The following CHST9 variants were observed in gnomAD, a reference collection of about 807,000 sequenced individuals.
CHST9 encodes the protein GalNAc-4-sulfotransferase 2.
A neutral mutation model predicts 44.4 loss-of-function variants in CHST9; 41 were observed. That is an observed-to-expected ratio of 0.92 (90% CI 0.72 to 1.20). The LOEUF (loss-of-function observed/expected upper bound fraction) is 1.20. Among genes scored for constraint, CHST9 ranks in the 50% most tolerant of loss-of-function variants. The pLI is 0.00. For synonymous variants in CHST9, 171 were observed against 178.4 expected, an observed-to-expected ratio of 0.96 and a Z score of 0.33; for missense variants, 504 against 516.5, an observed-to-expected ratio of 0.98 and a Z score of 0.23.
At chr18:27,150,414 T>A (rs771124676) in intron 1 of CHST9, among the ~76,000 whole-genome samples, 1 of 152,224 alleles carries the variant, frequency 6.6e-6, no homozygotes, top group Admixed American at 6.5e-5. Flanking sequence ...ACCTTCTTTC[T>A]CACTGGGGCA....
chr18:26,925,018 T>A (rs1364483537), intron 5 of CHST9, among the ~76,000 whole-genome samples: 3 of 152,004 alleles, frequency 2.0e-5, no homozygotes, highest in Admixed American at 6.6e-5. Context: ...ACTTGGTCCC[T>A]GATCTTACGG....
intron 4 of CHST9, among the ~76,000 whole-genome samples, chr18:27,002,383 G>C (rs2086649698): frequency 6.6e-6 from 1 of 152,142 alleles, no homozygotes; most frequent in Non-Finnish European, 1.5e-5. Flanking sequence ...ATGCAATATA[G>C]AAATGCAATA....
At chr18:27,120,993 G>T (rs962629536) in intron 2 of CHST9, among the ~76,000 whole-genome samples, 5 of 151,952 alleles carry the variant, frequency 3.3e-5, no homozygotes, top group Non-Finnish European at 5.9e-5. Context: ...CAGTTTTTTT[G>T]TTGTTTTTGT....
chr18:27,178,130 T>A (rs186365571), intron 1 of CHST9, among the ~76,000 whole-genome samples: 2 of 151,954 alleles, frequency 1.3e-5, no homozygotes, highest in Non-Finnish European at 2.9e-5. Flanking sequence ...GAATGAACAA[T>A]ACACAGAAAA....
At chr18:27,044,979 T>C (rs1341204419) in intron 3 of CHST9, among the ~76,000 whole-genome samples, 2 of 151,334 alleles carry the variant, frequency 1.3e-5, no homozygotes, top group African/African-American at 4.9e-5. Flanking sequence ...CGCAAGGGAC[T>C]GAGTTTGCAA....
intron 4 of CHST9, among the ~76,000 whole-genome samples, chr18:26,972,462 G>A (rs1225327732): frequency 6.6e-6 from 1 of 151,374 alleles, no homozygotes; most frequent in East Asian, 1.9e-4. Flanking sequence ...CTGGGAGAAA[G>A]GGTTCTAGAC....
intron 2 of CHST9, among the ~76,000 whole-genome samples, chr18:27,122,467 A>C (rs866438807): frequency 6.6e-6 from 1 of 152,256 alleles, no homozygotes. Context: ...AGCCTTGTAC[A>C]TGTAGAACAA....
Position 26,917,006 on chromosome 18 carries a change from A to G in CHST9, c.585T>C (p.His195=), listed in dbSNP as rs760531540. The change falls in exon 6 of 6, where the codon CAT becomes CAC. Residue 195 remains histidine, a synonymous_variant. Coordinates refer to ENST00000618847, the MANE Select transcript of CHST9 (RefSeq NM_031422.6). ...FCKKYGGVSH[H]QSHLFHTVSR... is the part of the protein sequence containing the mutation. Reference sequence around the variant, plus strand: ...ATACTGTATGAAAAAGATGTGACTGATGATGACTCACCCCACCGTATTTCT... The same window carrying G: ...ATACTGTATGAAAAAGATGTGACTGGTGATGACTCACCCCACCGTATTTCT... 6.8e-6 allele frequency: 11 copies of G among 1,613,802 alleles called. No individual in the cohort carries two copies. In the East Asian group the frequency reaches 2.5e-4, roughly 36 times the overall value.
At chr18:27,036,349 C>T (rs2057390459) in intron 3 of CHST9, among the ~76,000 whole-genome samples, 1 of 152,174 alleles carries the variant, frequency 6.6e-6, no homozygotes, top group Non-Finnish European at 1.5e-5. Flanking sequence ...ATATCTCTTG[C>T]TTGTCTAAAC....
chr18:26,958,132 T>C (rs1190757628), intron 4 of CHST9, among the ~76,000 whole-genome samples: 2 of 151,172 alleles, frequency 1.3e-5, no homozygotes, highest in African/African-American at 4.8e-5. Flanking sequence ...GTGATCCACC[T>C]ACCTTGGCCT....
intron 2 of CHST9, among the ~76,000 whole-genome samples, chr18:27,119,042 A>G (rs536699175): frequency 1.3e-5 from 2 of 152,118 alleles, no homozygotes; most frequent in Admixed American, 6.5e-5. Context: ...ACCAAAACCT[A>G]TGTTTTTCAG....
At chr18:26,959,630 GCACAT>G (rs1310213801) in intron 4 of CHST9, among the ~76,000 whole-genome samples, 1 of 152,178 alleles carries the variant, frequency 6.6e-6, no homozygotes, top group African/African-American at 2.4e-5. Flanking sequence ...ATGAGCAAAA[GCACAT>G]CAGGGAATGT....
intron 4 of CHST9, among the ~76,000 whole-genome samples, chr18:27,015,572 C>T (rs1361897595): frequency 6.6e-6 from 1 of 152,042 alleles, no homozygotes; most frequent in African/African-American, 2.4e-5. Context: ...TGGAGGGATA[C>T]GTGCTAGCAT....
intron 2 of CHST9, among the ~76,000 whole-genome samples, chr18:27,134,804 G>A (rs775115083): frequency 6.6e-6 from 1 of 152,060 alleles, no homozygotes; most frequent in Non-Finnish European, 1.5e-5. Context: ...TTCAGACATT[G>A]TACTTATTTG....
At chr18:27,093,805 G>A (rs988281981) in intron 2 of CHST9, among the ~76,000 whole-genome samples, 6 of 151,930 alleles carry the variant, frequency 3.9e-5, no homozygotes, top group Non-Finnish European at 7.4e-5. Flanking sequence ...TGGAAATGCA[G>A]AAATCACCCA....
At chr18:27,036,414 T>C (rs538213690) in intron 3 of CHST9, among the ~76,000 whole-genome samples, 90 of 152,330 alleles carry the variant, frequency 5.9e-4, no homozygotes, top group African/African-American at 2.1e-3. Flanking sequence ...GGGAATACAA[T>C]GTAACCTAGA....
intron 5 of CHST9, among the ~76,000 whole-genome samples, chr18:26,941,870 G>C (rs2056087352): frequency 6.6e-6 from 1 of 152,208 alleles, no homozygotes; most frequent in Non-Finnish European, 1.5e-5. Flanking sequence ...TGGGCTAAAA[G>C]CACAGGCTGG....
At chr18:27,000,055 C>T (rs2056930697) in intron 4 of CHST9, among the ~76,000 whole-genome samples, 1 of 152,208 alleles carries the variant, frequency 6.6e-6, no homozygotes, top group Non-Finnish European at 1.5e-5. Context: ...AACTCAGTAA[C>T]ATGCTTGTAA....
At chr18:27,055,542 G>A (rs1217446924) in intron 2 of CHST9, among the ~76,000 whole-genome samples, 1 of 152,078 alleles carries the variant, frequency 6.6e-6, no homozygotes, top group East Asian at 1.9e-4. Flanking sequence ...CTAAAACCCA[G>A]GTCACCACTA....
Sources: gnomAD v4.1 joint callset for allele counts (sites outside exome capture counted in the v4.1 genomes callset) on GRCh38, gnomAD v4.1.1 for gene constraint, MANE v1.5 for transcripts, NCBI Gene and HGNC (gene_info 2026-07-23, HGNC 2026-07-21) for gene names.